The following AGBL4 variants were observed in gnomAD, a reference collection of about 807,000 sequenced individuals.
AGBL4 encodes the protein cytosolic carboxypeptidase 6.
Under a neutral mutation model 66.4 loss-of-function variants are expected in AGBL4, and 58 were observed. That is an observed-to-expected ratio of 0.87 (90% CI 0.71 to 1.09). AGBL4 has a LOEUF of 1.09. AGBL4 is among the 50% of genes least tolerant of loss of function. The pLI is 0.00. For missense variants in AGBL4, 579 were observed against 631.0 expected (o/e 0.92, Z 0.88); for synonymous variants, 234 against 222.9 (o/e 1.05, Z -0.44).
intron 5 of AGBL4, among the ~76,000 whole-genome samples, chr1:49,023,067 G>A (rs1663370241): frequency 6.6e-6 from 1 of 152,184 alleles, no homozygotes. Context: ...TTACAACATT[G>A]AAATGGAGAA....
At chr1:49,651,430 TG>T (rs1341211496) in intron 3 of AGBL4, among the ~76,000 whole-genome samples, 1 of 152,086 alleles carries the variant, frequency 6.6e-6, no homozygotes, top group Non-Finnish European at 1.5e-5. Flanking sequence ...TGCCCCACCA[TG>T]TAAGAAATCT....
chr1:48,983,476 A>G (rs976356566), intron 5 of AGBL4, among the ~76,000 whole-genome samples: 2 of 152,220 alleles, frequency 1.3e-5, no homozygotes, highest in Non-Finnish European at 2.9e-5. Flanking sequence ...GGACATCTGG[A>G]CCTTGCTCAT....
At chr1:49,892,302 A>T (rs1648735327) in intron 1 of AGBL4, among the ~76,000 whole-genome samples, 1 of 152,196 alleles carries the variant, frequency 6.6e-6, no homozygotes, top group Non-Finnish European at 1.5e-5. Flanking sequence ...GACTTGTTAA[A>T]GCTAAGGGAA....
chr1:49,129,285 TG>T (rs1168747324), intron 4 of AGBL4, among the ~76,000 whole-genome samples: 6 of 113,772 alleles, frequency 5.3e-5, no homozygotes, highest in African/African-American at 7.7e-5. Flanking sequence ...TGACTGTTTT[TG>T]TTTTTTTTGT....
the AGBL4 span, among the ~76,000 whole-genome samples, chr1:48,525,577 C>A: frequency 4.6e-5 from 7 of 152,104 alleles, no homozygotes; most frequent in African/African-American, 1.7e-4. Context: ...TTCTCTTTTT[C>A]TTTTATTTTC....
At chr1:48,980,738 T>C (rs1477281025) in intron 5 of AGBL4, among the ~76,000 whole-genome samples, 4 of 3,786 alleles carry the variant, frequency 1.1e-3, no homozygotes, top group African/African-American at 2.9e-3. Flanking sequence ...TATATATATA[T>C]ATATATATAT....
intron 3 of AGBL4, among the ~76,000 whole-genome samples, chr1:49,452,144 A>G (rs1416516895): frequency 5.3e-5 from 8 of 151,848 alleles, no homozygotes; most frequent in African/African-American, 1.7e-4. Flanking sequence ...CCTTCACAGC[A>G]GTATTAAAAC....
Position 48,650,444 on chromosome 1 carries a change from A to ACCTTCCTTCCTTCCTTCCTTCCTT in AGBL4, c.839+2869_839+2892dup, listed in dbSNP as rs57012926. Among the ~76,000 whole-genome samples, 285 of 147,138 alleles carry ACCTTCCTTCCTTCCTTCCTTCCTT rather than the reference A, an allele frequency of 1.9e-3. 1 individual carries two copies. The highest frequency in any genetic ancestry group is 7.9e-3 in the East Asian group (39 of 4,950). Reference sequence around the variant, plus strand: ...TACTGCACTAGAATTCTGAGAACCAACCTTCCTTCCTTCCTTCCTTCCTTC... The same window carrying ACCTTCCTTCCTTCCTTCCTTCCTT: ...TACTGCACTAGAATTCTGAGAACCAACCTTCCTTCCTTCCTTCCTTCCTTCCTTCCTTCCTTCCTTCCTTCCTTC... On this transcript the variant is annotated intron_variant, in intron 8 of 13. Transcript: ENST00000371839.
intron 1 of AGBL4, among the ~76,000 whole-genome samples, chr1:49,874,957 C>T (rs1329083970): frequency 7.2e-6 from 1 of 139,362 alleles, no homozygotes; most frequent in Admixed American, 7.3e-5. Context: ...GTATATCTCC[C>T]AATGCTATCC....
intron 2 of AGBL4, among the ~76,000 whole-genome samples, chr1:49,706,945 A>AG (rs539271622): frequency 2.3e-4 from 35 of 152,272 alleles, no homozygotes; most frequent in South Asian, 1.2e-3. Context: ...GCATTTGCTG[A>AG]GGAGTGTTTT....
chr1:50,002,359 C>CT (rs372960346), intron 1 of AGBL4, among the ~76,000 whole-genome samples: 7,491 of 95,750 alleles, frequency 0.078, 1,512 homozygotes, highest in African/African-American at 0.12. Context: ...TGCCCTAGTT[C>CT]TTTTTTTTTT....
At chr1:50,004,407 G>A (rs1288311041) in intron 1 of AGBL4, among the ~76,000 whole-genome samples, 1 of 152,160 alleles carries the variant, frequency 6.6e-6, no homozygotes, top group Admixed American at 6.5e-5. Flanking sequence ...GCTATGTTGG[G>A]CTTGGAGACA....
intron 1 of AGBL4, among the ~76,000 whole-genome samples, chr1:49,913,782 C>G (rs1292873006): frequency 2.6e-5 from 4 of 152,200 alleles, no homozygotes; most frequent in Admixed American, 2.6e-4. Flanking sequence ...AGGTTTATGG[C>G]ATGTACCTTC....
intron 3 of AGBL4, among the ~76,000 whole-genome samples, chr1:49,474,943 G>T (rs1646817456): frequency 6.6e-6 from 1 of 151,984 alleles, no homozygotes; most frequent in African/African-American, 2.4e-5. Context: ...CCTCTTACTG[G>T]ATTGTTCCAG....
intron 3 of AGBL4, among the ~76,000 whole-genome samples, chr1:49,463,622 G>A (rs947459859): frequency 2.0e-5 from 3 of 151,686 alleles, no homozygotes; most frequent in Admixed American, 6.6e-5. Context: ...AGTAAAGAAA[G>A]ACATTCATTA....
chr1:49,268,466 T>C lies in AGBL4; in HGVS notation c.283-22602A>G, dbSNP rs1643980162. Reference sequence around the variant, plus strand: ...CACACACACAAATACAAGATCTCACTCTATTGCACAGGCTGGAGTGCAATA... The same window carrying C: ...CACACACACAAATACAAGATCTCACCCTATTGCACAGGCTGGAGTGCAATA... On this transcript the variant is annotated intron_variant, in intron 3 of 13. Transcript: ENST00000371839. Among the ~76,000 whole-genome samples the C allele has an allele frequency of 4.0e-5, 6 of 148,552 alleles. No homozygotes were observed. The South Asian group carries it at 1.3e-3, about 32-fold the overall frequency.
At chr1:48,698,418 T>G (rs1646748823) in intron 6 of AGBL4, among the ~76,000 whole-genome samples, 1 of 152,150 alleles carries the variant, frequency 6.6e-6, no homozygotes, top group East Asian at 1.9e-4. Context: ...AACACCAACA[T>G]TTTGACTCAA....
intron 6 of AGBL4, among the ~76,000 whole-genome samples, chr1:48,739,493 G>A (rs902942192): frequency 1.3e-5 from 2 of 152,082 alleles, no homozygotes; most frequent in Non-Finnish European, 2.9e-5. Context: ...ACAAAATTCC[G>A]GAACTTGTTC....
At chr1:49,642,608 A>ATTTT (rs1168310874) in intron 3 of AGBL4, among the ~76,000 whole-genome samples, 1 of 151,984 alleles carries the variant, frequency 6.6e-6, no homozygotes, top group Non-Finnish European at 1.5e-5. Context: ...AGCACCAAAA[A>ATTTT]GGATTAAAAG....
Sources: gnomAD v4.1 joint callset for allele counts (sites outside exome capture counted in the v4.1 genomes callset) on GRCh38, gnomAD v4.1.1 for gene constraint, MANE v1.5 for transcripts, NCBI Gene and HGNC (gene_info 2026-07-23, HGNC 2026-07-21) for gene names.